TBC1D5: variants seen among roughly 807,000 people sequenced by gnomAD.
TBC1D5 encodes the protein TBC1 domain family member 5, also known as TBC1 domain family, member 5.
In TBC1D5, 75 loss-of-function variants were observed where a neutral mutation model predicts 100.3. The ratio of observed to expected loss-of-function variants is 0.75; its 90% confidence interval spans 0.62 to 0.91. The LOEUF (loss-of-function observed/expected upper bound fraction) is 0.91. TBC1D5 is among the 40% of genes least tolerant of loss of function. The probability of loss-of-function intolerance (pLI) is 0.00; values close to 1 mark genes in which losing one functional copy is unlikely to be tolerated. For missense variants in TBC1D5, 910 were observed against 942.4 expected (o/e 0.97, Z 0.45); for synonymous variants, 323 against 325.6 (o/e 0.99, Z 0.09).
At chr3:17,522,006 G>A (rs1437849030) in intron 2 of TBC1D5, among the ~76,000 whole-genome samples, 1 of 151,982 alleles carries the variant, frequency 6.6e-6, no homozygotes, top group Non-Finnish European at 1.5e-5. Context: ...GTATAAATAT[G>A]CAAATGTTCC....
intron 16 of TBC1D5, among the ~76,000 whole-genome samples, chr3:17,255,714 C>T (rs2077581695): frequency 6.6e-6 from 1 of 152,118 alleles, no homozygotes; most frequent in Non-Finnish European, 1.5e-5. Context: ...AACATCTTCA[C>T]ACTATTATTA....
At chr3:17,642,307 G>T (rs994710475) in intron 1 of TBC1D5, among the ~76,000 whole-genome samples, 7 of 151,914 alleles carry the variant, frequency 4.6e-5, no homozygotes, top group Admixed American at 4.6e-4. Context: ...GTTAGGCAAC[G>T]TGCTCTCTAT....
intron 9 of TBC1D5, among the ~76,000 whole-genome samples, chr3:17,378,837 T>A (rs905545553): frequency 2.0e-5 from 3 of 151,692 alleles, no homozygotes; most frequent in Non-Finnish European, 4.4e-5. Context: ...AATAAGTATG[T>A]TTTTCTCCAA....
rs919846615 is a variant in TBC1D5, at chr3:17,409,760, T to C, written c.168-3234A>G. 7.2e-5 allele frequency among the ~76,000 whole-genome samples: 11 copies of C among 152,128 alleles called. 1 individual carries two copies. Among genetic ancestry groups the C allele is most frequent in the African/African-American group, 2.4e-4 (10 of 41,428 alleles). The stretch of plus-strand genomic sequence containing the variant: ...CAAAACCTAATCCAGAGCAAAGCCC[T>C]AACTCTCTTCAATTCTGTGAAAGCT... On this transcript the variant is annotated intron_variant, in intron 4 of 21. Transcript: ENST00000253692.
intron 8 of TBC1D5, among the ~76,000 whole-genome samples, chr3:17,398,560 A>G (rs771009345): frequency 3.3e-5 from 5 of 152,192 alleles, no homozygotes; most frequent in Admixed American, 6.5e-5. Context: ...ATCATCAGTG[A>G]TAAGATTCAC....
chr3:17,706,493 G>C (rs1429649983), intron 1 of TBC1D5, among the ~76,000 whole-genome samples: 1 of 151,954 alleles, frequency 6.6e-6, no homozygotes, highest in African/African-American at 2.4e-5. Flanking sequence ...TGTATTTCTT[G>C]AATGCTTGAC....
chr3:17,678,805 T>C (rs959845779), intron 1 of TBC1D5, among the ~76,000 whole-genome samples: 1 of 150,608 alleles, frequency 6.6e-6, no homozygotes, highest in African/African-American at 2.5e-5. Flanking sequence ...CATATTATCA[T>C]AGAATTTCAG....
chr3:17,196,398 C>G (rs2070692493), intron 18 of TBC1D5, among the ~76,000 whole-genome samples: 1 of 152,112 alleles, frequency 6.6e-6, no homozygotes, highest in African/African-American at 2.4e-5. Context: ...TCAGAAGAGA[C>G]AGTGAAGGGA....
intron 18 of TBC1D5, among the ~76,000 whole-genome samples, chr3:17,212,704 C>T (rs1371028052): frequency 1.3e-5 from 2 of 151,484 alleles, no homozygotes; most frequent in Non-Finnish European, 2.9e-5. Context: ...ATGTGCGTGT[C>T]CGTTTTTAAC....
At chr3:17,545,857 C>A (rs2096409733) in intron 2 of TBC1D5, among the ~76,000 whole-genome samples, 1 of 152,172 alleles carries the variant, frequency 6.6e-6, no homozygotes, top group African/African-American at 2.4e-5. Context: ...TTGCTGACAG[C>A]ACCCTTCTTG....
chr3:17,591,211 G>C (rs2096765898), intron 2 of TBC1D5, among the ~76,000 whole-genome samples: 1 of 95,932 alleles, frequency 1.0e-5, no homozygotes, highest in African/African-American at 3.6e-5. Context: ...ACTCCAGACT[G>C]GGCTACAAAG....
intron 4 of TBC1D5, among the ~76,000 whole-genome samples, chr3:17,426,891 G>C (rs1193710725): frequency 6.6e-6 from 1 of 151,582 alleles, no homozygotes; most frequent in Non-Finnish European, 1.5e-5. Flanking sequence ...ACATTTTTTT[G>C]TCTTGTTTAT....
At chr3:17,365,611 T>C (rs1391091799) in intron 13 of TBC1D5, among the ~76,000 whole-genome samples, 5 of 152,218 alleles carry the variant, frequency 3.3e-5, no homozygotes, top group African/African-American at 1.2e-4. Flanking sequence ...AGCTCATTTA[T>C]TCCTGATTTG....
chr3:17,620,192 G>A (rs1437028272), intron 2 of TBC1D5, among the ~76,000 whole-genome samples: 1 of 152,196 alleles, frequency 6.6e-6, no homozygotes, highest in Non-Finnish European at 1.5e-5. Context: ...AGATTGGAGT[G>A]TAATAGCTCA....
chr3:17,366,663 T>C (rs2092151779), intron 13 of TBC1D5, among the ~76,000 whole-genome samples: 1 of 152,218 alleles, frequency 6.6e-6, no homozygotes, highest in South Asian at 2.1e-4. Flanking sequence ...TCTTAAACTG[T>C]TGAGAGATAT....
chr3:17,228,237 T>C (rs1224985080), intron 17 of TBC1D5, among the ~76,000 whole-genome samples: 1 of 152,062 alleles, frequency 6.6e-6, no homozygotes, highest in Non-Finnish European at 1.5e-5. Context: ...ACAGCTAGGA[T>C]TGAGTCTGAA....
intron 1 of TBC1D5, among the ~76,000 whole-genome samples, chr3:17,657,611 A>G (rs553861036): frequency 2.6e-4 from 40 of 152,276 alleles, no homozygotes; most frequent in African/African-American, 9.4e-4. Flanking sequence ...CTGGGATTAC[A>G]GGCGTGAGCC....
At position 17,450,983 on chromosome 3, in the gene TBC1D5, G is replaced by C. The variant is rs546715651; in HGVS notation, c.98-22464C>G. ...GGAAAAAATGTTAAGGCCAGCCAGA[G>C]AGAAAGGTCAGATTGCTCACAAAGC... On this transcript the variant is annotated intron_variant, in intron 3 of 21. Transcript: ENST00000253692. 3.3e-5 allele frequency among the ~76,000 whole-genome samples: 5 copies of C among 152,300 alleles called. No individual in the cohort carries two copies. In the East Asian group the frequency reaches 5.8e-4, roughly 18 times the overall value.
At chr3:17,642,008 G>A (rs2064557101) in intron 1 of TBC1D5, among the ~76,000 whole-genome samples, 2 of 151,998 alleles carry the variant, frequency 1.3e-5, no homozygotes, top group Admixed American at 1.3e-4. Context: ...TTCAAAAACA[G>A]GTACTATTAA....
Sources: allele counts gnomAD v4.1 joint callset (sites outside exome capture counted in the v4.1 genomes callset), GRCh38; gene constraint gnomAD v4.1.1; transcripts MANE v1.5; gene names NCBI Gene and HGNC (gene_info 2026-07-23, HGNC 2026-07-21).